Variants in HDX observed in about 807,000 individuals in gnomAD.
The protein encoded by HDX is highly divergent homeobox.
Under a neutral mutation model 45.2 loss-of-function variants are expected in HDX, and 19 were observed. That is an observed-to-expected ratio of 0.42 (90% CI 0.29 to 0.62). The LOEUF (loss-of-function observed/expected upper bound fraction) is 0.62, where lower values mean the gene tolerates loss of function less well. Ranked by LOEUF, HDX falls within the 20% of genes least tolerant of loss-of-function variation. HDX has a pLI of 0.20. For missense variants in HDX, 532 were observed against 493.9 expected, an observed-to-expected ratio of 1.08 and a Z score of -0.73; for synonymous variants, 188 against 172.8, an observed-to-expected ratio of 1.09 and a Z score of -0.69.
chrX:84,356,614 C>CTTTTT lies in HDX; in HGVS notation c.1452+4847_1452+4851dup, dbSNP rs59321751. Among the ~76,000 whole-genome samples, 59 of 39,490 alleles carry CTTTTT rather than the reference C, an allele frequency of 1.5e-3. 7 individuals carry two copies. Among genetic ancestry groups the CTTTTT allele is most frequent in the African/African-American group, 6.4e-3 (58 of 8,997 alleles). 34.3% of individuals were successfully genotyped at this position (39,490 alleles called of 115,157 possible). On this transcript the variant is annotated intron_variant, in intron 6 of 10. Coordinates refer to ENST00000373177, the MANE Select transcript of HDX (RefSeq NM_001177479.2). ...CACTAGCCAGGAATCCTGTGGATATCTTTTTTTTTTTTTTTTTTTTTTTTT... is the reference window on the plus strand; with the variant it reads ...CACTAGCCAGGAATCCTGTGGATATCTTTTTTTTTTTTTTTTTTTTTTTTTTTTTT...
chrX:84,380,361 C>T (rs897534093), intron 5 of HDX, among the ~76,000 whole-genome samples: 1 of 109,882 alleles, frequency 9.1e-6, no homozygotes, highest in Non-Finnish European at 1.9e-5. Context: ...TACTTCCAAA[C>T]TCATTTTATG....
chrX:84,460,073 G>A (rs932072350), intron 4 of HDX, among the ~76,000 whole-genome samples: 1 of 111,015 alleles, frequency 9.0e-6, no homozygotes, highest in Non-Finnish European at 1.9e-5. Flanking sequence ...AAAAGCAAGG[G>A]ACCTTATCTC....
Position 84,398,391 on chromosome X carries a change from C to G in HDX, c.1306-36779G>C, listed in dbSNP as rs139083482. Among the ~76,000 whole-genome samples the G allele has an allele frequency of 6.9e-4, 77 of 111,100 alleles. 1 individual carries two copies. In the East Asian group the frequency reaches 0.019, roughly 27 times the overall value. On this transcript the variant is annotated intron_variant, in intron 5 of 10. Coordinates refer to ENST00000373177, the MANE Select transcript of HDX (RefSeq NM_001177479.2). ...AAGGGATGGAGGAAAATTTACCAAG[C>G]AAATGGAAAACAAAAAAGCAGGGAT... is the stretch of plus-strand genomic sequence containing the variant.
chrX:84,381,959 G>T (rs10481991), intron 5 of HDX, among the ~76,000 whole-genome samples: 10,771 of 110,733 alleles, frequency 0.097, 808 homozygotes, highest in African/African-American at 0.25. Flanking sequence ...TCTGACAAGG[G>T]ATTAATAACC....
intron 5 of HDX, among the ~76,000 whole-genome samples, chrX:84,364,310 T>C (rs1277631098): frequency 3.6e-5 from 4 of 110,070 alleles, no homozygotes; most frequent in Non-Finnish European, 7.6e-5. Context: ...TCTAAACTTT[T>C]CCACTTAATA....
chrX:84,486,068 C>T (rs1285084941), intron 2 of HDX, among the ~76,000 whole-genome samples: 1 of 111,816 alleles, frequency 8.9e-6, no homozygotes, highest in African/African-American at 3.2e-5. Context: ...TATAGGTATA[C>T]CATATTATTT....
rs1207190572 is a variant in HDX, at chrX:84,318,668, A to C, written c.*3221T>G. 9.0e-6 allele frequency: 1 copy of C among 111,348 alleles called. No individual in the cohort carries two copies. Among genetic ancestry groups the C allele is most frequent in the African/African-American group, 3.2e-5 (1 of 30,798 alleles). 9.2% of individuals were successfully genotyped at this position (111,348 alleles called of 1,213,427 possible). ...ACAAACTTACAGACTGCTGAATATG[A>C]AAGTGCCTCACAATAGATGTTGCTG... On this transcript the variant is annotated 3_prime_UTR_variant, in exon 11 of 11. Transcript: ENST00000373177.
chrX:84,399,206 A>G (rs942972742), intron 5 of HDX, among the ~76,000 whole-genome samples: 4 of 110,697 alleles, frequency 3.6e-5, no homozygotes, highest in Non-Finnish European at 7.6e-5. Flanking sequence ...AAGACAAGAA[A>G]TAACTAAGAT....
chrX:84,447,543 G>A (rs1325228226), intron 4 of HDX, among the ~76,000 whole-genome samples: 6 of 111,306 alleles, frequency 5.4e-5, no homozygotes, highest in Non-Finnish European at 7.5e-5. Context: ...GCTGCTTGAA[G>A]ATGAGGTGAC....
chrX:84,345,638 A>G (rs1339282544), intron 6 of HDX, among the ~76,000 whole-genome samples: 1 of 111,885 alleles, frequency 8.9e-6, no homozygotes, highest in Non-Finnish European at 1.9e-5. Flanking sequence ...CTATTTTTCT[A>G]GGATAAATGC....
In HDX at chrX:84,319,730, ATCTATTAAAAAT is replaced by A. The variant is rs1317118768; in HGVS notation, c.*2147_*2158del. The A allele has an allele frequency of 1.8e-5, 2 of 111,528 alleles. No homozygotes were observed. Among genetic ancestry groups the A allele is most frequent in the Non-Finnish European group, 3.8e-5 (2 of 52,664 alleles). 9.2% of individuals were successfully genotyped at this position (111,528 alleles called of 1,213,427 possible). ...AGAATCACACCTAGCAGAACCTTAA[ATCTATTAAAAAT>A]TCTACTTAAATATGGTTTATTAATA... On this transcript the variant is annotated 3_prime_UTR_variant, in exon 11 of 11. Coordinates refer to ENST00000373177, the MANE Select transcript of HDX (RefSeq NM_001177479.2).
chrX:84,407,106 A>G (rs2038848096), intron 5 of HDX, among the ~76,000 whole-genome samples: 1 of 111,195 alleles, frequency 9.0e-6, no homozygotes, highest in East Asian at 2.8e-4. Context: ...GGTTTGTTAT[A>G]TAGAGAAATT....
intron 6 of HDX, among the ~76,000 whole-genome samples, chrX:84,348,343 G>A (rs1452384651): frequency 9.0e-6 from 1 of 111,112 alleles, no homozygotes; most frequent in Non-Finnish European, 1.9e-5. Flanking sequence ...TCATGCCTCT[G>A]CTTACATTAC....
intron 5 of HDX, among the ~76,000 whole-genome samples, chrX:84,401,695 C>G (rs1224378033): frequency 8.9e-6 from 1 of 111,935 alleles, no homozygotes; most frequent in East Asian, 2.8e-4. Flanking sequence ...GCCCAGCAAT[C>G]CCATTACTGG....
At chrX:84,433,330 A>T in intron 5 of HDX, among the ~76,000 whole-genome samples, 1 of 111,544 alleles carries the variant, frequency 9.0e-6, no homozygotes, top group Non-Finnish European at 1.9e-5. Flanking sequence ...GAGGTCTCTC[A>T]TTTAGGTATT....
intron 3 of HDX, 52 bp downstream of exon 3, chrX:84,475,199 T>G: frequency 9.5e-7 from 1 of 1,053,561 alleles, no homozygotes; most frequent in Non-Finnish European, 1.3e-6. Flanking sequence ...ATTAAGCAAA[T>G]ATCACTTGTA....
intron 2 of HDX, among the ~76,000 whole-genome samples, chrX:84,481,488 G>T (rs1164330675): frequency 1.8e-5 from 2 of 110,731 alleles, no homozygotes; most frequent in African/African-American, 6.6e-5. Context: ...TCACTGAGAG[G>T]TTATGTGGTT....
At chrX:84,363,043 G>A (rs2037660758) in intron 5 of HDX, among the ~76,000 whole-genome samples, 1 of 111,587 alleles carries the variant, frequency 9.0e-6, no homozygotes, top group African/African-American at 3.3e-5. Flanking sequence ...TATTTTGTGT[G>A]TGTGTGCGAA....
At chrX:84,381,235 T>C (rs1021229617) in intron 5 of HDX, among the ~76,000 whole-genome samples, 4 of 111,229 alleles carry the variant, frequency 3.6e-5, no homozygotes, top group Middle Eastern at 4.6e-3. Flanking sequence ...TCCATGTTCA[T>C]CGACGGAAAT....
Sources: gnomAD v4.1 joint callset for allele counts (sites outside exome capture counted in the v4.1 genomes callset) on GRCh38, gnomAD v4.1.1 for gene constraint, MANE v1.5 for transcripts, NCBI Gene and HGNC (gene_info 2026-07-23, HGNC 2026-07-21) for gene names.